The following PAK5 variants were observed in gnomAD, a reference collection of about 807,000 sequenced individuals.
PAK5 encodes serine/threonine-protein kinase PAK 5.
Under a neutral mutation model 65.9 loss-of-function variants are expected in PAK5, and 16 were observed. The ratio of observed to expected loss-of-function variants is 0.24; its 90% CI spans 0.16 to 0.37. The LOEUF (loss-of-function observed/expected upper bound fraction) is 0.37, where lower values mean the gene tolerates loss of function less well. Ranked by LOEUF, PAK5 falls within the 10% of genes least tolerant of loss-of-function variation. PAK5 has a pLI of 1.00. For synonymous variants in PAK5, 371 were observed against 354.9 expected (o/e 1.05, Z -0.51); for missense variants, 785 against 903.9 (o/e 0.87, Z 1.69).
chr20:9,579,687 T>C (rs914887805), intron 4 of PAK5, among the ~76,000 whole-genome samples: 5 of 152,218 alleles, frequency 3.3e-5, no homozygotes, highest in African/African-American at 1.2e-4. Flanking sequence ...ATTGGCTTTA[T>C]TTAAAAATTA....
At chr20:9,565,782 T>C in intron 5 of PAK5, 111 bp downstream of exon 5, 3 of 1,145,678 alleles carry the variant, frequency 2.6e-6, no homozygotes, top group Non-Finnish European at 3.8e-6. Flanking sequence ...TATTTTTGTC[T>C]TTATATTTTC....
chr20:9,817,998 AC>A (rs1384991101), intron 1 of PAK5, among the ~76,000 whole-genome samples: 1 of 152,178 alleles, frequency 6.6e-6, no homozygotes, highest in Non-Finnish European at 1.5e-5. Flanking sequence ...CAAATACTCA[AC>A]TCCTTCTGTT....
intron 3 of PAK5, among the ~76,000 whole-genome samples, chr20:9,581,532 A>T (rs187010323): frequency 2.0e-5 from 3 of 152,256 alleles, no homozygotes; most frequent in Middle Eastern, 3.4e-3. Context: ...CAGACTGAAG[A>T]TTATTTGTGT....
intron 2 of PAK5, among the ~76,000 whole-genome samples, chr20:9,668,224 A>G (rs6140992): frequency 0.19 from 28,859 of 152,168 alleles, 3,256 homozygotes; most frequent in East Asian, 0.4. Flanking sequence ...CTGAAAGCAC[A>G]TAAATCCAAC....
At chr20:9,635,573 C>T (rs547419074) in intron 3 of PAK5, among the ~76,000 whole-genome samples, 26 of 152,126 alleles carry the variant, frequency 1.7e-4, no homozygotes, top group Admixed American at 5.2e-4. Flanking sequence ...TTCCTCCTTC[C>T]TTTGAATATA....
At chr20:9,699,895 A>T (rs184242875) in intron 2 of PAK5, among the ~76,000 whole-genome samples, 1 of 152,244 alleles carries the variant, frequency 6.6e-6, no homozygotes, top group East Asian at 1.9e-4. Flanking sequence ...GCAAATGGGG[A>T]TACTTAAGAA....
chr20:9,558,580 G>A (rs756436871), intron 6 of PAK5, among the ~76,000 whole-genome samples: 49 of 152,148 alleles, frequency 3.2e-4, no homozygotes, highest in Non-Finnish European at 6.0e-4. Flanking sequence ...TAGAAATGGG[G>A]ACAGCCACAG....
intron 3 of PAK5, among the ~76,000 whole-genome samples, chr20:9,641,541 C>CGT (rs2047061161): frequency 6.6e-6 from 1 of 151,322 alleles, no homozygotes; most frequent in Non-Finnish European, 1.5e-5. Context: ...GTGGATCCCG[C>CGT]ACCGGGGCTG....
chr20:9,727,808 G>A (rs1474420749), intron 1 of PAK5, among the ~76,000 whole-genome samples: 1 of 152,102 alleles, frequency 6.6e-6, no homozygotes, highest in Non-Finnish European at 1.5e-5. Flanking sequence ...TGGGGCTCCT[G>A]CATGTTGGTT....
At chr20:9,825,525 G>GATAATCCCTACCTCCAGCAAGCTT (rs2049474006) in intron 1 of PAK5, among the ~76,000 whole-genome samples, 1 of 152,020 alleles carries the variant, frequency 6.6e-6, no homozygotes, top group Non-Finnish European at 1.5e-5. Context: ...TTTGCGTTTT[G>GATAATCCCTACCTCCAGCAAGCTT]ATAATCCCTA....
At chr20:9,607,555 G>A (rs1207767461) in intron 3 of PAK5, among the ~76,000 whole-genome samples, 1 of 152,176 alleles carries the variant, frequency 6.6e-6, no homozygotes, top group Non-Finnish European at 1.5e-5. Flanking sequence ...ACGCAGGCAT[G>A]GCGGCTCACA....
intron 3 of PAK5, among the ~76,000 whole-genome samples, chr20:9,618,090 A>C (rs878884672): frequency 1.3e-5 from 2 of 152,180 alleles, no homozygotes; most frequent in Non-Finnish European, 2.9e-5. Context: ...ACATTATGTA[A>C]GCATGTGACA....
At chr20:9,610,904 C>A (rs1402367605) in intron 3 of PAK5, among the ~76,000 whole-genome samples, 1 of 152,204 alleles carries the variant, frequency 6.6e-6, no homozygotes, top group Non-Finnish European at 1.5e-5. Context: ...TCCCCTCCAT[C>A]TCTTCTGCCA....
At chr20:9,641,934 G>A (rs1432493939) in intron 3 of PAK5, among the ~76,000 whole-genome samples, 1 of 152,056 alleles carries the variant, frequency 6.6e-6, no homozygotes, top group Non-Finnish European at 1.5e-5. Context: ...TGGCCCGCAA[G>A]CACCGCATGC....
chr20:9,719,810 A>G (rs1202909700), intron 1 of PAK5, among the ~76,000 whole-genome samples: 2 of 152,166 alleles, frequency 1.3e-5, no homozygotes, highest in Non-Finnish European at 2.9e-5. Context: ...ACCTACTTAC[A>G]CAATTTTCAG....
chr20:9,745,282 A>AT lies in PAK5; in HGVS notation c.-161-33848dup, dbSNP rs2048493631. On this transcript the variant is annotated intron_variant, in intron 1 of 9. Coordinates refer to ENST00000353224, the MANE Select transcript of PAK5 (RefSeq NM_177990.4). ...GGTGCATTTATCTTTTTTTAATGTC[A>AT]TTTTTGCTGTGAGTGACACCACATC... Among the ~76,000 whole-genome samples, 8 of 151,556 alleles carry AT rather than the reference A, an allele frequency of 5.3e-5. No individual in the cohort carries two copies. In the South Asian group the frequency reaches 1.7e-3, roughly 32 times the overall value.
rs6140987 is a variant in PAK5, at chr20:9,635,269, T to G, written c.204+8856A>C. 1.6e-4 allele frequency among the ~76,000 whole-genome samples: 25 copies of G among 152,330 alleles called. No individual in the cohort carries two copies. The East Asian group carries it at 4.8e-3, about 29-fold the overall frequency. On this transcript the variant is annotated intron_variant, in intron 3 of 9. Transcript: ENST00000353224. ...AACACCTGCAGGATTACATATTAGA[T>G]CAATATATTTGGTACACTATACATT...
chr20:9,749,254 C>T (rs1249468001), intron 1 of PAK5, among the ~76,000 whole-genome samples: 3 of 152,110 alleles, frequency 2.0e-5, no homozygotes, highest in Non-Finnish European at 1.5e-5. Flanking sequence ...GAGCTACCAA[C>T]TCACATACAT....
At chr20:9,650,503 C>A (rs1445883273) in intron 2 of PAK5, among the ~76,000 whole-genome samples, 3 of 152,160 alleles carry the variant, frequency 2.0e-5, no homozygotes, top group Non-Finnish European at 4.4e-5. Context: ...AAACTTATTT[C>A]TCTGGTTTTC....
Sources: gnomAD v4.1 joint callset for allele counts (sites outside exome capture counted in the v4.1 genomes callset) on GRCh38, gnomAD v4.1.1 for gene constraint, MANE v1.5 for transcripts, NCBI Gene and HGNC (gene_info 2026-07-23, HGNC 2026-07-21) for gene names.